DCHS2: variants seen among roughly 807,000 people sequenced by gnomAD.
The protein encoded by DCHS2 is protocadherin-23.
DCHS2 carries 142 observed loss-of-function variants against 182.4 expected under a neutral mutation model. The observed-to-expected ratio is 0.78, with a 90% confidence interval of 0.68 to 0.89. The LOEUF (loss-of-function observed/expected upper bound fraction) is 0.89. DCHS2 is among the 40% of genes least tolerant of loss of function. The probability of loss-of-function intolerance (pLI) is 0.00; values close to 1 mark genes in which losing one functional copy is unlikely to be tolerated. For synonymous variants in DCHS2, 1,740 were observed against 1,663.3 expected (o/e 1.05, Z -1.12); for missense variants, 4,319 against 4,198.6 (o/e 1.03, Z -0.79).
Position 154,377,426 on chromosome 4 carries a change from C to A in DCHS2, c.2071G>T (p.Asp691Tyr), listed in dbSNP as rs760212755. The change falls in exon 2 of 20, where the codon GAT becomes TAT. Residue 691 changes from aspartate (D) to tyrosine (Y), a missense_variant. Transcript: ENST00000357232. ...CFLQVTASDADSGLYGFIEYS... is the reference protein window; with the variant it reads ...CFLQVTASDAYSGLYGFIEYS... ...TCAATAAAGCCATAGAGTCCTGAAT[C>A]TGCATCAGAGGCTGTCACCTGTGAG... 1 of 1,612,702 alleles carries A rather than the reference C, an allele frequency of 6.2e-7. No individual in the cohort carries two copies. Among genetic ancestry groups the A allele is most frequent in the Non-Finnish European group, 8.5e-7 (1 of 1,179,230 alleles).
chr4:154,303,127 G>A (rs1735286325), intron 12 of DCHS2, among the ~76,000 whole-genome samples: 1 of 151,310 alleles, frequency 6.6e-6, no homozygotes, highest in African/African-American at 2.4e-5. Context: ...GATTACAGGT[G>A]CCTGCCACCA....
At position 154,322,327 on chromosome 4, in the gene DCHS2, T is replaced by C. The variant is rs1464274938; in HGVS notation, c.4176+4A>G. ...CCTTCCATATTTTATGGTGACAACA[T>C]TACCTGAATATTAACAACTGCCTGT... On this transcript the variant is annotated splice_donor_region_variant and intron_variant, in intron 8 of 19. Coordinates refer to ENST00000357232, the MANE Select transcript of DCHS2 (RefSeq NM_001358235.2). 7 of 1,613,028 alleles carry C rather than the reference T, an allele frequency of 4.3e-6. No homozygotes were observed. The highest frequency in any genetic ancestry group is 5.9e-6 in the Non-Finnish European group (7 of 1,179,596).
chr4:154,332,241 G>A (rs118016158), intron 5 of DCHS2, among the ~76,000 whole-genome samples: 1,778 of 152,282 alleles, frequency 0.012, 37 homozygotes, highest in East Asian at 0.1. Flanking sequence ...ATTATTATGG[G>A]TGAAACTCTA....
intron 1 of DCHS2, among the ~76,000 whole-genome samples, chr4:154,478,261 A>G (rs933519873): frequency 9.2e-5 from 14 of 152,204 alleles, no homozygotes; most frequent in Non-Finnish European, 1.6e-4. Flanking sequence ...TCTCATTGAA[A>G]GTAATAGAAA....
chr4:154,372,144 T>A (rs184869921), intron 2 of DCHS2, among the ~76,000 whole-genome samples: 11 of 152,242 alleles, frequency 7.2e-5, no homozygotes, highest in Non-Finnish European at 1.3e-4. Flanking sequence ...TAAAGAATGA[T>A]GGGAAATCTA....
chr4:154,418,135 T>C (rs1184894327), intron 1 of DCHS2, among the ~76,000 whole-genome samples: 1 of 152,266 alleles, frequency 6.6e-6, no homozygotes, highest in South Asian at 2.1e-4. Context: ...GTTAATACAA[T>C]AATTTTAAAT....
intron 1 of DCHS2, among the ~76,000 whole-genome samples, chr4:154,439,771 G>A (rs1733924510): frequency 6.6e-6 from 1 of 151,978 alleles, no homozygotes; most frequent in South Asian, 2.1e-4. Context: ...AAAATCCAGA[G>A]GTGTATCTAG....
chr4:154,287,246 T>A (rs111537625), intron 13 of DCHS2, among the ~76,000 whole-genome samples: 1 of 152,072 alleles, frequency 6.6e-6, no homozygotes, highest in African/African-American at 2.4e-5. Flanking sequence ...CATTAATGAG[T>A]AATAAGAAAT....
At position 154,235,690 on chromosome 4, in the gene DCHS2, C is replaced by T. The variant is rs1313279209; in HGVS notation, c.8962G>A (p.Ala2988Thr). The T allele has an allele frequency of 6.2e-7, 1 of 1,613,992 alleles. No individual in the cohort carries two copies. Among genetic ancestry groups the T allele is most frequent in the Non-Finnish European group, 8.5e-7 (1 of 1,179,946 alleles). Residue 2988 changes from alanine to threonine, a missense_variant, in exon 20 of 20, where the codon GCA becomes ACA. Ala to Thr is a moderately conservative substitution (Grantham distance 58). Transcript: ENST00000357232. ...VSFSSEGTPLAVFASSFSISL... is the reference protein window; with the variant it reads ...VSFSSEGTPLTVFASSFSISL... ...ATTGAAAAGCTGCTGGCGAACACTG[C>T]CAAGGGTGTTCCTTCAGAGGAGAAA... is the stretch of plus-strand genomic sequence containing the variant.
Position 154,490,490 on chromosome 4 carries a change from T to C in DCHS2, c.866A>G (p.Glu289Gly). The stretch of plus-strand genomic sequence containing the variant: ...CTCAAAGACCGGCGGGTTGTCGTTC[T>C]CATCCAGCACGCGCAGCTCCACGCT... ...LLSVELRVLDENDNPPVFEQD... is the reference protein window; with the variant it reads ...LLSVELRVLDGNDNPPVFEQD... Residue 289 changes from glutamate to glycine, a missense_variant, in exon 1 of 20, where the codon GAG becomes GGG. Physicochemically the swap from Glu to Gly is moderately conservative, Grantham distance 98. Coordinates refer to ENST00000357232, the MANE Select transcript of DCHS2 (RefSeq NM_001358235.2). 6.5e-7 allele frequency: 1 copy of C among 1,536,902 alleles called. No homozygotes were observed. The highest frequency in any genetic ancestry group is 1.2e-5 in the South Asian group (1 of 83,978).
chr4:154,361,824 A>G (rs559115168), intron 3 of DCHS2, among the ~76,000 whole-genome samples: 119 of 152,232 alleles, frequency 7.8e-4, no homozygotes, highest in South Asian at 2.9e-3. Flanking sequence ...TTTTAAATGC[A>G]TGAGTCTTGG....
chr4:154,322,517 A>C, intron 7 of DCHS2, 29 bp from the exon 8 acceptor site: 1 of 1,573,082 alleles, frequency 6.4e-7, no homozygotes, highest in Non-Finnish European at 8.6e-7. Flanking sequence ...TAAGAAATGA[A>C]TGTTAATTGA....
At chr4:154,306,265 C>A (rs1252642108) in intron 10 of DCHS2, among the ~76,000 whole-genome samples, 3 of 151,842 alleles carry the variant, frequency 2.0e-5, no homozygotes, top group African/African-American at 4.8e-5. Flanking sequence ...ATTGGAATGA[C>A]CCTGAGAAAA....
At chr4:154,379,250 C>T (rs183348299) in intron 1 of DCHS2, among the ~76,000 whole-genome samples, 41 of 152,274 alleles carry the variant, frequency 2.7e-4, no homozygotes, top group African/African-American at 9.4e-4. Flanking sequence ...GTCACTCTGA[C>T]AGGGAAGGAG....
intron 3 of DCHS2, among the ~76,000 whole-genome samples, chr4:154,339,390 T>C (rs1475729370): frequency 6.6e-6 from 1 of 152,134 alleles, no homozygotes; most frequent in African/African-American, 2.4e-5. Flanking sequence ...TTTAATCAGC[T>C]ATCTGGGCAT....
intron 3 of DCHS2, among the ~76,000 whole-genome samples, chr4:154,354,311 G>A (rs1729760036): frequency 1.3e-5 from 2 of 152,086 alleles, no homozygotes; most frequent in African/African-American, 2.4e-5. Context: ...CTTTATTTTA[G>A]TATTTTCCCC....
intron 1 of DCHS2, among the ~76,000 whole-genome samples, chr4:154,381,417 A>T (rs1044931132): frequency 2.0e-5 from 3 of 152,122 alleles, no homozygotes; most frequent in Non-Finnish European, 4.4e-5. Flanking sequence ...TATTCAACAC[A>T]GTACGGGAAG....
intron 13 of DCHS2, among the ~76,000 whole-genome samples, chr4:154,290,611 T>C (rs560379683): frequency 2.0e-5 from 3 of 151,904 alleles, no homozygotes; most frequent in Admixed American, 1.3e-4. Context: ...TGAAACAGAA[T>C]AGAGAATCCA....
intron 1 of DCHS2, among the ~76,000 whole-genome samples, chr4:154,455,109 C>T (rs956715087): frequency 1.3e-5 from 2 of 152,186 alleles, no homozygotes; most frequent in African/African-American, 4.8e-5. Flanking sequence ...GTGTAGTAAA[C>T]ACTCCTTCAC....
Sources: gnomAD v4.1 joint callset for allele counts (sites outside exome capture counted in the v4.1 genomes callset) on GRCh38, gnomAD v4.1.1 for gene constraint, MANE v1.5 for transcripts, NCBI Gene and HGNC (gene_info 2026-07-23, HGNC 2026-07-21) for gene names.